The following EVC2 variants were observed in gnomAD, a reference collection of about 807,000 sequenced individuals.
EVC2 encodes the protein limbin.
In EVC2, 148 loss-of-function variants were observed where a neutral mutation model predicts 149.3. That is an observed-to-expected ratio of 0.99 (90% confidence interval 0.87 to 1.14). EVC2 has a LOEUF of 1.14. EVC2 is among the 50% of genes most tolerant of loss of function. The probability of loss-of-function intolerance (pLI) is 0.00; values close to 1 mark genes in which losing one functional copy is unlikely to be tolerated. For synonymous variants in EVC2, 776 were observed against 649.9 expected (o/e 1.19, Z -2.95); for missense variants, 1,854 against 1,627.3 (o/e 1.14, Z -2.40).
chr4:5,576,929 A>G lies in EVC2; in HGVS notation c.3058-475T>C, dbSNP rs1465543013. ...GCTGTGTCTCCTTCTCCCTGCCTGC[A>G]AAGTGCCTGGTGGCTGGCACCTGTC... On this transcript the variant is annotated intron_variant, in intron 17 of 21. Coordinates refer to ENST00000344408, the MANE Select transcript of EVC2 (RefSeq NM_147127.5). This position sits in a 1 kb window ranked among gnomAD's most constrained non-coding sequence, Gnocchi z 4.5. Among the ~76,000 whole-genome samples the G allele has an allele frequency of 2.0e-5, 3 of 152,180 alleles. No individual in the cohort carries two copies. Among genetic ancestry groups the G allele is most frequent in the Admixed American group, 1.3e-4 (2 of 15,286 alleles).
chr4:5,626,873 C>G (rs1716156199), intron 12 of EVC2, among the ~76,000 whole-genome samples: 1 of 152,160 alleles, frequency 6.6e-6, no homozygotes, highest in South Asian at 2.1e-4. Flanking sequence ...GGGACTTACA[C>G]CATCAGCTCC....
intron 9 of EVC2, among the ~76,000 whole-genome samples, chr4:5,641,423 G>A (rs1717320905): frequency 6.6e-6 from 1 of 152,144 alleles, no homozygotes; most frequent in African/African-American, 2.4e-5. Context: ...AGGATACATG[G>A]GAATTATCTG....
At chr4:5,533,761 G>T in the EVC2 span, among the ~76,000 whole-genome samples, 1 of 152,198 alleles carries the variant, frequency 6.6e-6, no homozygotes, top group Non-Finnish European at 1.5e-5. Context: ...ACAGGGCATG[G>T]GGGAAAGAGG....
intron 13 of EVC2, among the ~76,000 whole-genome samples, chr4:5,623,343 T>A (rs192846237): frequency 0.03 from 4,498 of 151,682 alleles, 182 homozygotes; most frequent in African/African-American, 0.091. Context: ...TATTTATTTT[T>A]TTTATTTTTT....
At chr4:5,699,407 T>G (rs777462982) in intron 1 of EVC2, among the ~76,000 whole-genome samples, 9 of 151,810 alleles carry the variant, frequency 5.9e-5, no homozygotes, top group Non-Finnish European at 1.3e-4. Context: ...TTAAAAAGAG[T>G]AAAGCAGCAT....
At chr4:5,699,397 T>C (rs981026598) in intron 1 of EVC2, among the ~76,000 whole-genome samples, 6 of 152,078 alleles carry the variant, frequency 3.9e-5, no homozygotes, top group Non-Finnish European at 8.8e-5. Context: ...CAGGCAGCTA[T>C]TAAAAAGAGT....
At chr4:5,535,642 A>AGAGAGAG in the EVC2 span, among the ~76,000 whole-genome samples, 1 of 151,566 alleles carries the variant, frequency 6.6e-6, no homozygotes. This position sits in a 1 kb window ranked among gnomAD's most constrained non-coding sequence, Gnocchi z 4.7. Context: ...AGAAAGAGAT[A>AGAGAGAG]ATCTCCTGTT....
intron 14 of EVC2, among the ~76,000 whole-genome samples, chr4:5,620,783 G>A (rs1715632390): frequency 6.6e-6 from 1 of 152,104 alleles, no homozygotes; most frequent in Admixed American, 6.5e-5. Flanking sequence ...CCTGCAAAAC[G>A]AATCCAAACG....
rs1371734998 is a variant in EVC2, at chr4:5,679,216, T to C, written c.870+2044A>G. Among the ~76,000 whole-genome samples, 1 of 152,096 alleles carries C rather than the reference T, an allele frequency of 6.6e-6. No individual in the cohort carries two copies. The highest frequency in any genetic ancestry group is 1.9e-4 in the East Asian group (1 of 5,180). ...ACACGACTATAGACTTTAGAAACAC[T>C]GTACCCTTAGGCTACACTACATTTA... On this transcript the variant is annotated intron_variant, in intron 7 of 21. Transcript: ENST00000344408. This position sits in a 1 kb window ranked among gnomAD's most constrained non-coding sequence, Gnocchi z 5.1.
rs183878199 is a variant in EVC2 at position 5,654,310 on chromosome 4, C to G, written c.1145+8797G>C. ...GTCAGCCCTGGAGTCCAGGAAAGGC[C>G]CTGCGGCAGAGATGGCAGTTTTTGA... On this transcript the variant is annotated intron_variant, in intron 9 of 21. Coordinates refer to ENST00000344408, the MANE Select transcript of EVC2 (RefSeq NM_147127.5). Among the ~76,000 whole-genome samples, 172 of 152,196 alleles carry G rather than the reference C, an allele frequency of 1.1e-3. 1 individual carries two copies. Among genetic ancestry groups the G allele is most frequent in the African/African-American group, 3.7e-3 (155 of 41,526 alleles).
intron 2 of EVC2, among the ~76,000 whole-genome samples, chr4:5,695,321 C>T (rs1329762239): frequency 6.7e-6 from 1 of 148,776 alleles, no homozygotes; most frequent in Admixed American, 6.7e-5. Context: ...GCACTCCAGT[C>T]TGGGCGACAG....
chr4:5,572,668 G>C (rs1169064048), intron 19 of EVC2, among the ~76,000 whole-genome samples: 1 of 152,172 alleles, frequency 6.6e-6, no homozygotes, highest in Non-Finnish European at 1.5e-5. Context: ...TAGGAATTTT[G>C]TGTAGTAGCA....
At chr4:5,659,279 G>A (rs1370003557) in intron 9 of EVC2, among the ~76,000 whole-genome samples, 1 of 152,070 alleles carries the variant, frequency 6.6e-6, no homozygotes, top group Non-Finnish European at 1.5e-5. Context: ...TTAGTGGGAA[G>A]TGTATCACAG....
intron 16 of EVC2, among the ~76,000 whole-genome samples, chr4:5,601,419 T>C (rs1391484446): frequency 6.6e-6 from 1 of 151,654 alleles, no homozygotes; most frequent in East Asian, 1.9e-4. Context: ...GAATTAGAAA[T>C]TGATTGAAAA....
At chr4:5,530,437 G>A in the EVC2 span, among the ~76,000 whole-genome samples, 1 of 152,082 alleles carries the variant, frequency 6.6e-6, no homozygotes, top group Admixed American at 6.5e-5. Flanking sequence ...TCTATTTAAG[G>A]TATACAGCAT....
intron 19 of EVC2, among the ~76,000 whole-genome samples, chr4:5,572,860 G>A (rs1722715717): frequency 1.3e-5 from 2 of 152,104 alleles, no homozygotes; most frequent in African/African-American, 2.4e-5. Context: ...CATAGGCCGG[G>A]GTGGTCATCT....
chr4:5,548,936 CCCTTCCTT>C (rs796701936), intron 21 of EVC2, among the ~76,000 whole-genome samples: 1 of 132,396 alleles, frequency 7.6e-6, no homozygotes, highest in African/African-American at 2.7e-5. Flanking sequence ...AAAACAAGAG[CCCTTCCTT>C]CCTTCCTTCC....
At chr4:5,535,204 C>A in the EVC2 span, among the ~76,000 whole-genome samples, 102 of 152,232 alleles carry the variant, frequency 6.7e-4, 1 homozygote, top group African/African-American at 2.2e-3. This position sits in a 1 kb window ranked among gnomAD's most constrained non-coding sequence, Gnocchi z 4.7. Context: ...GCTCCCAGTG[C>A]CAGCTCCCAG....
chr4:5,681,490 C>T (rs1720341577), intron 6 of EVC2, among the ~76,000 whole-genome samples, 177 bp from the exon 7 acceptor site: 1 of 152,148 alleles, frequency 6.6e-6, no homozygotes, highest in Non-Finnish European at 1.5e-5. Context: ...GGGATAGGAT[C>T]CCTCCCTCTC....
Sources: gnomAD v4.1 joint callset for allele counts (sites outside exome capture counted in the v4.1 genomes callset) on GRCh38, gnomAD v4.1.1 for gene constraint, Gnocchi (gnomAD v3.1) non-coding constraint, MANE v1.5 for transcripts, NCBI Gene and HGNC (gene_info 2026-07-23, HGNC 2026-07-21) for gene names.